Variants in AMER1 observed in about 807,000 individuals in gnomAD.
AMER1 encodes APC membrane recruitment protein 1.
In AMER1, 16 loss-of-function variants were observed where a neutral mutation model predicts 53.0. That is an observed-to-expected ratio of 0.30 (90% CI 0.20 to 0.46). The LOEUF is 0.46. Ranked by LOEUF, AMER1 falls within the 20% of genes least tolerant of loss-of-function variation. AMER1 has a pLI of 1.00. For missense variants in AMER1, 947 were observed against 884.9 expected (o/e 1.07, Z -0.89); for synonymous variants, 354 against 331.9 (o/e 1.07, Z -0.73).
rs1930079342 is a variant in AMER1, at chrX:64,185,194, T to C, written c.*4685A>G. On this transcript the variant is annotated 3_prime_UTR_variant, in exon 2 of 2. Coordinates refer to ENST00000374869, the MANE Select transcript of AMER1 (RefSeq NM_152424.4). ...AGTATATGTTGTTACAAACAGGCAG[T>C]GCATCAAGATATCCAGATGTCAGTG... is the stretch of plus-strand genomic sequence containing the variant. 1.3e-5 allele frequency: 2 copies of C among 156,982 alleles called. No individual in the cohort carries two copies. Among genetic ancestry groups the C allele is most frequent in the East Asian group, 9.6e-5 (1 of 10,374 alleles). The allele number at this position is 156,982 out of a possible 1,213,427, so 12.9% of individuals were successfully genotyped here. A position where few individuals can be genotyped will look rare whatever the true frequency, so the allele number is the denominator to read the frequency against.
In AMER1 at chrX:64,189,662, G is replaced by T; in HGVS notation, c.*217C>A. On this transcript the variant is annotated 3_prime_UTR_variant, in exon 2 of 2. Transcript: ENST00000374869. Reference sequence around the variant, plus strand: ...AAGCAAAAACTGGAGTGCAGTAGCAGCAGCAGCCTCCCTGGGCAGATGCAC... The same window carrying T: ...AAGCAAAAACTGGAGTGCAGTAGCATCAGCAGCCTCCCTGGGCAGATGCAC... 1 of 1,045,569 alleles carries T rather than the reference G, an allele frequency of 9.6e-7. No homozygotes were observed. Among genetic ancestry groups the T allele is most frequent in the Non-Finnish European group, 1.2e-6 (1 of 818,779 alleles). The allele number at this position is 1,045,569 out of a possible 1,213,427, so 86.2% of individuals were successfully genotyped here.
At chrX:64,196,597 G>A (rs1307937394) in intron 1 of AMER1, among the ~76,000 whole-genome samples, 4 of 111,342 alleles carry the variant, frequency 3.6e-5, no homozygotes, top group African/African-American at 1.3e-4. Flanking sequence ...CAGATATGAG[G>A]GGATTTTAAA....
chrX:64,190,001 G>A lies in AMER1; in HGVS notation c.3286C>T (p.Gln1096Ter), dbSNP rs2147084086. The change falls in exon 2 of 2, where the codon CAG becomes TAG. Residue 1096 changes from glutamine to a stop codon, truncating the protein, a stop_gained. Transcript: ENST00000374869. LOFTEE classifies it high-confidence loss of function. ...GGCCCATAGTGAGTGGGCTGAGGCT[G>A]GGGGTGCTCAGGCCGGACCCTGGGC... ...QLPRVRPEHP[Q>*]PQPTHYGPSS... The A allele has an allele frequency of 8.3e-7, 1 of 1,207,935 alleles. No individual in the cohort carries two copies.
rs750179371 is a variant in AMER1, at chrX:64,186,036, A to G, written c.*3843T>C. The G allele has an allele frequency of 3.1e-5, 28 of 895,552 alleles. No individual in the cohort carries two copies. In the African/African-American group the frequency reaches 4.8e-4, roughly 15 times the overall value. The allele number at this position is 895,552 out of a possible 1,213,427, so 73.8% of individuals were successfully genotyped here. A position where few individuals can be genotyped will look rare whatever the true frequency, so the allele number is the denominator to read the frequency against. On this transcript the variant is annotated 3_prime_UTR_variant, in exon 2 of 2. Coordinates refer to ENST00000374869, the MANE Select transcript of AMER1 (RefSeq NM_152424.4). ...AGGAAAAAAAATAAGACACATGAGTACTCTCAGAGGGTCTAGACATGGGGA... is the reference window on the plus strand; with the variant it reads ...AGGAAAAAAAATAAGACACATGAGTGCTCTCAGAGGGTCTAGACATGGGGA...
intron 1 of AMER1, among the ~76,000 whole-genome samples, chrX:64,201,658 T>C (rs952405727): frequency 9.0e-6 from 1 of 111,614 alleles, no homozygotes; most frequent in Non-Finnish European, 1.9e-5. Flanking sequence ...GGTAGGGAAA[T>C]TGAAATAACA....
In AMER1 at chrX:64,191,161, C is replaced by T. The variant is rs2147086741; in HGVS notation, c.2126G>A (p.Cys709Tyr). The change falls in exon 2 of 2, where the codon TGC becomes TAC. Residue 709 changes from cysteine (C) to tyrosine (Y), a missense_variant. Coordinates refer to ENST00000374869, the MANE Select transcript of AMER1 (RefSeq NM_152424.4). ...GCAGGTACTTTGATCTTTCTTGGAG[C>T]AGGTTCCTTCATAACGCTTCTCCAG... Reference protein sequence around the residue: ...RPLEKRYEGTCSKKDQSTCLM... With the variant: ...RPLEKRYEGTYSKKDQSTCLM... The T allele has an allele frequency of 4.1e-6, 5 of 1,212,103 alleles. No individual in the cohort carries two copies. Among genetic ancestry groups the T allele is most frequent in the Non-Finnish European group, 5.6e-6 (5 of 895,610 alleles).
Position 64,187,743 on chromosome X carries a change from A to G in AMER1, c.*2136T>C, listed in dbSNP as rs753582971. On this transcript the variant is annotated 3_prime_UTR_variant, in exon 2 of 2. Coordinates refer to ENST00000374869, the MANE Select transcript of AMER1 (RefSeq NM_152424.4). ...TACTTCCTGCCAAATAGCCAGGCCA[A>G]TTTCAGCCCCACCATCCCAGAGCAG... 99 of 774,090 alleles carry G rather than the reference A, an allele frequency of 1.3e-4. No individual in the cohort carries two copies. The East Asian group carries it at 5.4e-3, about 42-fold the overall frequency. The allele number at this position is 774,090 out of a possible 1,213,427, so 63.8% of individuals were successfully genotyped here.
In AMER1 at chrX:64,189,678, G is replaced by A. The variant is rs1212977041; in HGVS notation, c.*201C>T. ...GCAGTAGCAGCAGCAGCCTCCCTGG[G>A]CAGATGCACTTGAGTTGAACGTGGC... On this transcript the variant is annotated 3_prime_UTR_variant, in exon 2 of 2. Coordinates refer to ENST00000374869, the MANE Select transcript of AMER1 (RefSeq NM_152424.4). 18 of 1,073,821 alleles carry A rather than the reference G, an allele frequency of 1.7e-5. No individual in the cohort carries two copies. Among genetic ancestry groups the A allele is most frequent in the East Asian group, 3.4e-5 (1 of 29,387 alleles). The allele number at this position is 1,073,821 out of a possible 1,213,427, so 88.5% of individuals were successfully genotyped here. A position where few individuals can be genotyped will look rare whatever the true frequency, so the allele number is the denominator to read the frequency against.
rs2147090964 is a variant in AMER1, at chrX:64,193,036, C to T, written c.251G>A (p.Gly84Asp). Reference protein sequence around the residue: ...GGGRSKGSGKGSSKKGLSKSK... With the variant: ...GGGRSKGSGKDSSKKGLSKSK... ...CTTGCTGAGACCTTTCTTGGAGCTG[C>T]CTTTCCCAGAACCTTTGCTCCGTCC... The change falls in exon 2 of 2, where the codon GGC (glycine) becomes GAC (aspartate). Residue 84 changes from glycine (G) to aspartate (D), a missense_variant. By Grantham distance (94) the Gly-to-Asp change is moderately conservative. Transcript: ENST00000374869. 1 of 1,211,843 alleles carries T rather than the reference C, an allele frequency of 8.3e-7. No individual in the cohort carries two copies. Among genetic ancestry groups the T allele is most frequent in the Non-Finnish European group, 1.1e-6 (1 of 895,502 alleles).
rs1464962478 is a variant in AMER1 at position 64,189,510 on chromosome X, GTGTGTATATATATATATATATATATA to G, written c.*343_*368del. The stretch of plus-strand genomic sequence containing the variant: ...TGTGTGTGTGTGTGTGTGTGTGTGT[GTGTGTATATATATATATATATATATA>G]TATATATATATATATATATATAATC... On this transcript the variant is annotated 3_prime_UTR_variant, in exon 2 of 2. Transcript: ENST00000374869. 2 of 107,429 alleles carry G rather than the reference GTGTGTATATATATATATATATATATA, an allele frequency of 1.9e-5. No homozygotes were observed. The highest frequency in any genetic ancestry group is 2.9e-4 in the Admixed American group (1 of 3,501). The allele number at this position is 107,429 out of a possible 1,213,427, so 8.9% of individuals were successfully genotyped here.
intron 1 of AMER1, among the ~76,000 whole-genome samples, chrX:64,199,760 A>G (rs766986266): frequency 9.0e-6 from 1 of 111,218 alleles, no homozygotes; most frequent in African/African-American, 3.3e-5. Context: ...TGCCAGATTC[A>G]TTTTCTTACA....
chrX:64,190,986 C>T lies in AMER1; in HGVS notation c.2301G>A (p.Val767=). 2 of 1,211,714 alleles carry T rather than the reference C, an allele frequency of 1.7e-6. No homozygotes were observed. Among genetic ancestry groups the T allele is most frequent in the Non-Finnish European group, 1.1e-6 (1 of 895,457 alleles). ...ACTCTACCAGGGCCTGTGAGAAACT[C>T]ACAGTGGCATTCCCTTCCTTCTCAA... ...EEVEKEGNAT[V]SFSQALVEFT... The change falls in exon 2 of 2, where the codon GTG becomes GTA. Residue 767 remains valine (V), a synonymous_variant. Transcript: ENST00000374869.
At chrX:64,197,872 G>A (rs913802834) in intron 1 of AMER1, among the ~76,000 whole-genome samples, 1 of 112,751 alleles carries the variant, frequency 8.9e-6, no homozygotes, top group East Asian at 2.8e-4. Context: ...TAAGGCTATT[G>A]TAAGAAGTAA....
rs1236038403 is a variant in AMER1, at chrX:64,189,247, T to C, written c.*632A>G. 6.3e-6 allele frequency: 5 copies of C among 793,232 alleles called. No homozygotes were observed. Among genetic ancestry groups the C allele is most frequent in the East Asian group, 7.6e-5 (1 of 13,244 alleles). 65.4% of individuals were successfully genotyped at this position (793,232 alleles called of 1,213,427 possible). ...AGCTTATAGTCATCTGATATAATGA[T>C]GGCAGCTATGCCAGGCCAAAAGGAA... On this transcript the variant is annotated 3_prime_UTR_variant, in exon 2 of 2. Coordinates refer to ENST00000374869, the MANE Select transcript of AMER1 (RefSeq NM_152424.4).
chrX:64,190,044 G>A lies in AMER1; in HGVS notation c.3243C>T (p.Thr1081=), dbSNP rs2147084185. 2 of 1,205,741 alleles carry A rather than the reference G, an allele frequency of 1.7e-6. No homozygotes were observed. Among genetic ancestry groups the A allele is most frequent in the Middle Eastern group, 2.3e-4 (1 of 4,316 alleles). Residue 1081 remains threonine, a synonymous_variant, in exon 2 of 2, where the codon ACC becomes ACT. Coordinates refer to ENST00000374869, the MANE Select transcript of AMER1 (RefSeq NM_152424.4). ...PLPQAKPVGI[T]HGIPQLPRVR... is the part of the protein sequence containing the mutation. ...CCCTGGGCAGCTGAGGAATGCCATGGGTGATGCCCACAGGCTTGGCCTGTG... is the reference window on the plus strand; with the variant it reads ...CCCTGGGCAGCTGAGGAATGCCATGAGTGATGCCCACAGGCTTGGCCTGTG...
chrX:64,196,346 C>G (rs1487271697), intron 1 of AMER1, among the ~76,000 whole-genome samples: 1 of 112,236 alleles, frequency 8.9e-6, no homozygotes, highest in African/African-American at 3.2e-5. Flanking sequence ...TCTACCTGCC[C>G]ACTCCAACTA....
rs1930180945 is a variant in AMER1 at position 64,189,484 on chromosome X, A to ATATG, written c.*394_*395insCATA. On this transcript the variant is annotated 3_prime_UTR_variant, in exon 2 of 2. Transcript: ENST00000374869. ...TGTGTTTGTGTGTGTGTGTGTATGTATGTGTGTGTGTGTGTGTGTGTGTGT... is the reference window on the plus strand; with the variant it reads ...TGTGTTTGTGTGTGTGTGTGTATGTATATGTGTGTGTGTGTGTGTGTGTGTGTGT... 2.6e-6 allele frequency: 1 copy of ATATG among 388,213 alleles called. No homozygotes were observed. The highest frequency in any genetic ancestry group is 2.9e-6 in the Non-Finnish European group (1 of 343,250). The allele number at this position is 388,213 out of a possible 1,213,427, so 32.0% of individuals were successfully genotyped here.
In AMER1 at chrX:64,188,163, T is replaced by G. The variant is rs1930145168; in HGVS notation, c.*1716A>C. 2 of 803,420 alleles carry G rather than the reference T, an allele frequency of 2.5e-6. No individual in the cohort carries two copies. Among genetic ancestry groups the G allele is most frequent in the Middle Eastern group, 6.3e-4 (1 of 1,575 alleles). The allele number at this position is 803,420 out of a possible 1,213,427, so 66.2% of individuals were successfully genotyped here. A position where few individuals can be genotyped will look rare whatever the true frequency, so the allele number is the denominator to read the frequency against. ...CATCTGTTCCCAAGCTAAATTGCCA[T>G]ATCTCAGGAATGGCAAGAACCCTGT... On this transcript the variant is annotated 3_prime_UTR_variant, in exon 2 of 2. Coordinates refer to ENST00000374869, the MANE Select transcript of AMER1 (RefSeq NM_152424.4).
At position 64,185,691 on chromosome X, in the gene AMER1, A is replaced by C; in HGVS notation, c.*4188T>G. ...AGGGCAGGGGAGGGGGAATGGTGGT[A>C]GGGGAGGAGATTCCCCCAAAGCAGC... On this transcript the variant is annotated 3_prime_UTR_variant, in exon 2 of 2. Transcript: ENST00000374869. 5.6e-6 allele frequency: 1 copy of C among 178,556 alleles called. No individual in the cohort carries two copies. Among genetic ancestry groups the C allele is most frequent in the Admixed American group, 7.4e-5 (1 of 13,556 alleles). The allele number at this position is 178,556 out of a possible 1,213,427, so 14.7% of individuals were successfully genotyped here. A position where few individuals can be genotyped will look rare whatever the true frequency, so the allele number is the denominator to read the frequency against.
Sources: allele counts gnomAD v4.1 joint callset (sites outside exome capture counted in the v4.1 genomes callset), GRCh38; gene constraint gnomAD v4.1.1; transcripts MANE v1.5; gene names NCBI Gene and HGNC (gene_info 2026-07-23, HGNC 2026-07-21).